The following JAZF1 variants were observed in gnomAD, a reference collection of about 807,000 sequenced individuals.
JAZF1 encodes juxtaposed with another zinc finger protein 1.
A neutral mutation model predicts 26.4 loss-of-function variants in JAZF1; 8 were observed. The observed-to-expected ratio is 0.30, with a 90% confidence interval of 0.18 to 0.55. JAZF1 has a LOEUF of 0.55. JAZF1 is among the 20% of genes least tolerant of loss of function. The pLI is 0.94. For synonymous variants in JAZF1, 126 were observed against 122.3 expected, an observed-to-expected ratio of 1.03 and a Z score of -0.20; for missense variants, 199 against 322.0, an observed-to-expected ratio of 0.62 and a Z score of 2.92.
At chr7:28,004,392 T>G (rs1483326521) in intron 1 of JAZF1, among the ~76,000 whole-genome samples, 1 of 149,834 alleles carries the variant, frequency 6.7e-6, no homozygotes, top group Non-Finnish European at 1.5e-5. Flanking sequence ...TATTATCACC[T>G]GGGTAACTTA....
chr7:27,974,966 C>T (rs1177221958), intron 2 of JAZF1, among the ~76,000 whole-genome samples: 2 of 151,424 alleles, frequency 1.3e-5, no homozygotes, highest in African/African-American at 2.4e-5. Context: ...CTCTCTGCAA[C>T]CTCTGCCTCC....
At chr7:27,889,304 G>A (rs1783926426) in intron 3 of JAZF1, among the ~76,000 whole-genome samples, 1 of 152,010 alleles carries the variant, frequency 6.6e-6, no homozygotes, top group African/African-American at 2.4e-5. Flanking sequence ...AATATGGGGG[G>A]AGGGGGGAGA....
intron 1 of JAZF1, among the ~76,000 whole-genome samples, chr7:28,057,101 C>T (rs187165987): frequency 2.6e-5 from 4 of 152,276 alleles, no homozygotes; most frequent in Admixed American, 2.6e-4. Context: ...CTGTGACCCT[C>T]ATCACTGAAG....
chr7:27,959,570 A>G (rs1289115922), intron 2 of JAZF1, among the ~76,000 whole-genome samples: 10 of 152,220 alleles, frequency 6.6e-5, no homozygotes, highest in Non-Finnish European at 1.5e-4. Context: ...TACAGTAACC[A>G]TTCTCCATAC....
chr7:28,114,832 C>T (rs371251552), intron 1 of JAZF1, among the ~76,000 whole-genome samples: 2 of 151,298 alleles, frequency 1.3e-5, no homozygotes, highest in East Asian at 1.9e-4. Flanking sequence ...AAAAAAGGTG[C>T]CACGTGAACG....
At chr7:27,891,713 C>CAGCTACACAGGAGGCTGACGTG (rs938788868) in intron 3 of JAZF1, among the ~76,000 whole-genome samples, 84 of 152,184 alleles carry the variant, frequency 5.5e-4, no homozygotes, top group South Asian at 1.0e-3. Flanking sequence ...CCTGTAGTCC[C>CAGCTACACAGGAGGCTGACGTG]AGCTACACAG....
chr7:27,979,386 TTTTTTTTTTTTTTTTTTTTA>T, intron 2 of JAZF1, among the ~76,000 whole-genome samples: 1 of 128,412 alleles, frequency 7.8e-6, no homozygotes, highest in Non-Finnish European at 1.7e-5. Context: ...TTTTTTTTTT[TTTTTTTTTTTTTTTTTTTTA>T]GAAACAGAGT....
chr7:27,968,320 G>A (rs1785314192), intron 2 of JAZF1, among the ~76,000 whole-genome samples: 1 of 152,152 alleles, frequency 6.6e-6, no homozygotes, highest in Admixed American at 6.5e-5. Flanking sequence ...TAACAGATGG[G>A]AGAGGTGGTA....
intron 3 of JAZF1, among the ~76,000 whole-genome samples, chr7:27,849,159 G>GA (rs1167175792): frequency 1.3e-5 from 2 of 152,160 alleles, no homozygotes; most frequent in African/African-American, 4.8e-5. Context: ...ACAGAGACGC[G>GA]ACAAAGCAAG....
At chr7:27,839,964 G>A (rs1782890429) in intron 4 of JAZF1, among the ~76,000 whole-genome samples, 1 of 152,114 alleles carries the variant, frequency 6.6e-6, no homozygotes, top group Non-Finnish European at 1.5e-5. Context: ...ACACCTCATG[G>A]GGAAGTTTGC....
chr7:27,991,937 T>C lies in JAZF1; in HGVS notation c.160A>G (p.Thr54Ala). ...TTTATGTAACTCAGGGCAACATAGG[T>C]TGGCTGCTGTAATTCTTGTTTTTCT... ...VLEKQELQQP[T>A]YVALSYINRF... The change falls in exon 2 of 5, where the codon ACC (threonine) becomes GCC (alanine). Residue 54 changes from threonine (T) to alanine (A), a missense_variant. Physicochemically the swap from Thr to Ala is moderately conservative, Grantham distance 58 (BLOSUM62 0). This residue lies in a region of JAZF1 where 137 missense variants were observed against 184.8 expected (regional missense o/e 0.74). Transcript: ENST00000283928. 6.2e-7 allele frequency: 1 copy of C among 1,606,234 alleles called. No homozygotes were observed. Among genetic ancestry groups the C allele is most frequent in the Non-Finnish European group, 8.5e-7 (1 of 1,173,948 alleles).
chr7:28,036,351 AT>A (rs1167210523), intron 1 of JAZF1, among the ~76,000 whole-genome samples: 1 of 152,128 alleles, frequency 6.6e-6, no homozygotes, highest in Non-Finnish European at 1.5e-5. Flanking sequence ...TTCTATAGTG[AT>A]TTTTTTCTTA....
chr7:28,016,627 A>C (rs1782898170), intron 1 of JAZF1, among the ~76,000 whole-genome samples: 1 of 152,090 alleles, frequency 6.6e-6, no homozygotes, highest in African/African-American at 2.4e-5. Context: ...TCTAGACCAA[A>C]TACATCACCC....
intron 1 of JAZF1, among the ~76,000 whole-genome samples, chr7:28,031,843 G>GT (rs1331301508): frequency 6.6e-6 from 1 of 152,054 alleles, no homozygotes; most frequent in African/African-American, 2.4e-5. Flanking sequence ...GTTCACCTGT[G>GT]TAACAAACCT....
chr7:28,155,872 G>A (rs1449334858), intron 1 of JAZF1, among the ~76,000 whole-genome samples: 1 of 152,196 alleles, frequency 6.6e-6, no homozygotes, highest in Non-Finnish European at 1.5e-5. Context: ...ATGATCTTGT[G>A]CAAATTAACC....
intron 1 of JAZF1, among the ~76,000 whole-genome samples, chr7:28,163,839 CT>C (rs1363130735): frequency 7.2e-5 from 11 of 152,172 alleles, no homozygotes; most frequent in African/African-American, 2.7e-4. Context: ...CATCAAAATC[CT>C]TTTGGACTCT....
intron 3 of JAZF1, among the ~76,000 whole-genome samples, chr7:27,876,972 G>C (rs1306297426): frequency 2.6e-5 from 4 of 152,328 alleles, no homozygotes; most frequent in African/African-American, 9.6e-5. Context: ...GGGTTGTATG[G>C]TCTAGACAAG....
At chr7:27,926,529 C>G (rs1441440645) in intron 2 of JAZF1, among the ~76,000 whole-genome samples, 1 of 152,210 alleles carries the variant, frequency 6.6e-6, no homozygotes, top group Non-Finnish European at 1.5e-5. Flanking sequence ...AGGTGCTCTA[C>G]TAATTGGAAA....
chr7:27,847,070 A>G (rs1783043862), intron 3 of JAZF1, among the ~76,000 whole-genome samples: 2 of 151,848 alleles, frequency 1.3e-5, no homozygotes, highest in Non-Finnish European at 2.9e-5. Flanking sequence ...CCTGGGTTCA[A>G]GCGATTTTCC....
Sources: allele counts gnomAD v4.1 joint callset (sites outside exome capture counted in the v4.1 genomes callset), GRCh38; gene constraint gnomAD v4.1.1; regional missense constraint gnomAD v4.1.1; transcripts MANE v1.5; gene names NCBI Gene and HGNC (gene_info 2026-07-23, HGNC 2026-07-21).